Variants in KIAA1210 observed in about 807,000 individuals in gnomAD.
KIAA1210 encodes the protein KIAA1210, also known as acrosomal protein KIAA1210.
In KIAA1210, 48 loss-of-function variants were observed where a neutral mutation model predicts 78.9. That is an observed-to-expected ratio of 0.61 (90% CI 0.48 to 0.77). KIAA1210 has a LOEUF of 0.77. KIAA1210 is among the 30% of genes least tolerant of loss of function. The probability of loss-of-function intolerance (pLI) is 0.00; values close to 1 mark genes in which losing one functional copy is unlikely to be tolerated. For synonymous variants in KIAA1210, 406 were observed against 404.5 expected (o/e 1.00, Z -0.04); for missense variants, 1,108 against 1,100.0 (o/e 1.01, Z -0.10).
intron 8 of KIAA1210, among the ~76,000 whole-genome samples, chrX:119,092,417 G>T (rs758762197): frequency 3.4e-4 from 38 of 111,788 alleles, no homozygotes; most frequent in Non-Finnish European, 4.9e-4. Flanking sequence ...TGCCACCATG[G>T]ATACTGACTC....
Position 119,096,623 on chromosome X carries a change from A to G in KIAA1210, c.717T>C (p.Ser239=), listed in dbSNP as rs1248139347. 2.5e-6 allele frequency: 3 copies of G among 1,208,891 alleles called. No individual in the cohort carries two copies. The highest frequency in any genetic ancestry group is 3.4e-6 in the Non-Finnish European group (3 of 894,559). The part of the protein sequence containing the change: ...QSLTAFATLA[S]TSSTQLPIGF... ...CAATGGGCAGCTGGGTGCTACTGGT[A>G]GAGGCAAGTGTGGCAAATGCAGTCA... Residue 239 remains serine, a synonymous_variant, in exon 7 of 12, where the codon TCT becomes TCC. Transcript: ENST00000691062.
Position 119,096,513 on chromosome X carries a change from T to C in KIAA1210, c.827A>G (p.Lys276Arg). 1 of 1,209,684 alleles carries C rather than the reference T, an allele frequency of 8.3e-7. No individual in the cohort carries two copies. The highest frequency in any genetic ancestry group is 1.1e-6 in the Non-Finnish European group (1 of 894,288). Residue 276 changes from lysine to arginine, a missense_variant, in exon 7 of 12, where the codon AAG (lysine) becomes AGG (arginine). Around this residue, in one of 5 missense-constraint regions of KIAA1210, gnomAD observed 672 missense variants for 607.1 expected, o/e 1.11. Coordinates refer to ENST00000691062, the MANE Select transcript of KIAA1210 (RefSeq NM_001394962.1). ...ACTTACAATCACTTGAAGGTTCTTC[T>C]TTTGTTTGCGGGGATTTAAAGTCAT... The part of the protein sequence containing the change: ...HKMTLNPRKQ[K>R]KNLQVIVEPK...
chrX:119,140,327 G>A (rs1294552759), intron 2 of KIAA1210, among the ~76,000 whole-genome samples: 2 of 110,271 alleles, frequency 1.8e-5, no homozygotes, highest in African/African-American at 6.6e-5. Flanking sequence ...TCAGGAGTTC[G>A]AGATCAGCCT....
intron 2 of KIAA1210, among the ~76,000 whole-genome samples, chrX:119,123,143 A>C (rs1928519695): frequency 8.9e-6 from 1 of 112,477 alleles, no homozygotes; most frequent in African/African-American, 3.2e-5. Context: ...TGGATACACG[A>C]GTAAGTTTTG....
Position 119,081,282 on chromosome X carries a change from A to AC in KIAA1210, c.*46_*47insG. ...ACTCTGTCTCAAAAAAAAAAAAAAA[A>AC]AAAAAAACTAAATAAAATAAATGCT... On this transcript the variant is annotated 3_prime_UTR_variant, in exon 12 of 12. Coordinates refer to ENST00000691062, the MANE Select transcript of KIAA1210 (RefSeq NM_001394962.1). 1 of 991,567 alleles carries AC rather than the reference A, an allele frequency of 1.0e-6. No individual in the cohort carries two copies. Among genetic ancestry groups the AC allele is most frequent in the African/African-American group, 2.0e-5 (1 of 50,609 alleles). 81.7% of individuals were successfully genotyped at this position (991,567 alleles called of 1,213,427 possible).
intron 2 of KIAA1210, among the ~76,000 whole-genome samples, chrX:119,140,865 AG>A (rs1303068488): frequency 1.8e-5 from 2 of 112,530 alleles, no homozygotes; most frequent in Non-Finnish European, 3.7e-5. Context: ...ACCTGAGCCC[AG>A]GAGTTCAAGG....
intron 2 of KIAA1210, among the ~76,000 whole-genome samples, chrX:119,117,368 A>AGTGT (rs140314969): frequency 0.011 from 1,184 of 103,788 alleles, 8 homozygotes; most frequent in African/African-American, 0.021. Context: ...TTTTTCAAGG[A>AGTGT]GTGTGTGTGT....
chrX:119,083,697 C>G (rs186280585), intron 10 of KIAA1210, among the ~76,000 whole-genome samples: 4 of 111,304 alleles, frequency 3.6e-5, no homozygotes, highest in Admixed American at 1.9e-4. Context: ...TCCCTCCTGA[C>G]AAAAGCTTTA....
chrX:119,104,113 T>C (rs1223956426), intron 6 of KIAA1210, among the ~76,000 whole-genome samples: 1 of 112,473 alleles, frequency 8.9e-6, no homozygotes, highest in African/African-American at 3.2e-5. Context: ...ATGTGATCTG[T>C]ATTTTACTAC....
In KIAA1210 at chrX:119,118,736, G is replaced by A. The variant is rs1201939838; in HGVS notation, c.62-2072C>T. ...CTATCTTCTGAACACCTAAAACTTGGCTGTTAGCATCAAAAGTTTTGCATC... is the reference window on the plus strand; with the variant it reads ...CTATCTTCTGAACACCTAAAACTTGACTGTTAGCATCAAAAGTTTTGCATC... On this transcript the variant is annotated intron_variant, in intron 2 of 11. Coordinates refer to ENST00000691062, the MANE Select transcript of KIAA1210 (RefSeq NM_001394962.1). Among the ~76,000 whole-genome samples, 16 of 112,231 alleles carry A rather than the reference G, an allele frequency of 1.4e-4. No individual in the cohort carries two copies. In the Admixed American group the frequency reaches 1.5e-3, roughly 11 times the overall value.
intron 1 of KIAA1210, among the ~76,000 whole-genome samples, chrX:119,149,266 C>T (rs1345502448): frequency 9.0e-6 from 1 of 111,466 alleles, no homozygotes; most frequent in Non-Finnish European, 1.9e-5. Context: ...CTCTTGCAAA[C>T]TGCTGTTTAC....
chrX:119,145,598 C>T (rs934729962), intron 2 of KIAA1210, among the ~76,000 whole-genome samples: 37 of 111,075 alleles, frequency 3.3e-4, no homozygotes, highest in Admixed American at 3.2e-3. Flanking sequence ...AGGTGAGTGG[C>T]AGGTGAGGTG....
Position 119,088,837 on chromosome X carries a change from T to A in KIAA1210, c.1865A>T (p.His622Leu). 8.3e-7 allele frequency: 1 copy of A among 1,211,556 alleles called. No homozygotes were observed. The highest frequency in any genetic ancestry group is 1.1e-6 in the Non-Finnish European group (1 of 895,297). Residue 622 changes from histidine to leucine, a missense_variant, in exon 9 of 12, where the codon CAT (histidine) becomes CTT (leucine). By Grantham distance (99) the His-to-Leu change is moderately conservative. Transcript: ENST00000691062. ...CCCCAAGGACTGGGAAGAGTGACCA[T>A]GAGCCAGTTCTTCAGAACCATCCCC... Reference protein sequence around the residue: ...EEGDGSEELAHGHSSQSLGKF... With the variant: ...EEGDGSEELALGHSSQSLGKF...
intron 9 of KIAA1210, among the ~76,000 whole-genome samples, chrX:119,086,035 T>G (rs1209695261): frequency 8.9e-6 from 1 of 112,818 alleles, no homozygotes; most frequent in African/African-American, 3.2e-5. Context: ...TCCAAAGGTT[T>G]TGGGAGACAT....
At chrX:119,143,935 C>T (rs1469789215) in intron 2 of KIAA1210, among the ~76,000 whole-genome samples, 1 of 112,427 alleles carries the variant, frequency 8.9e-6, no homozygotes, top group Non-Finnish European at 1.9e-5. Flanking sequence ...GATTCAAACC[C>T]ATATTTGACT....
At chrX:119,114,293 G>A (rs1371395816) in intron 3 of KIAA1210, among the ~76,000 whole-genome samples, 1 of 111,547 alleles carries the variant, frequency 9.0e-6, no homozygotes, top group Non-Finnish European at 1.9e-5. Context: ...AACAGGAGAG[G>A]AGAGGAGAGA....
At chrX:119,124,441 A>G (rs1569321557) in intron 1 of KIAA1210, among the ~76,000 whole-genome samples, 1 of 112,639 alleles carries the variant, frequency 8.9e-6, no homozygotes, top group Non-Finnish European at 1.9e-5. Context: ...TGTTACCAAA[A>G]AAAGACAAAT....
At chrX:119,098,604 C>CAAAAAAAAAAAAA (rs747325732) in intron 6 of KIAA1210, among the ~76,000 whole-genome samples, 1 of 39,835 alleles carries the variant, frequency 2.5e-5, no homozygotes, top group Non-Finnish European at 5.0e-5. Context: ...GAGACTCCGT[C>CAAAAAAAAAAAAA]AAAAAAAAAA....
At chrX:119,085,290 G>C (rs1048036754) in intron 10 of KIAA1210, 93 bp downstream of exon 10, 8 of 790,787 alleles carry the variant, frequency 1.0e-5, no homozygotes, top group Non-Finnish European at 1.3e-5. Flanking sequence ...CAAAGAGAGG[G>C]GGAGCTGCAT....
Sources: gnomAD v4.1 joint callset for allele counts (sites outside exome capture counted in the v4.1 genomes callset) on GRCh38, gnomAD v4.1.1 for gene constraint, gnomAD v4.1.1 regional missense constraint, MANE v1.5 for transcripts, NCBI Gene and HGNC (gene_info 2026-07-23, HGNC 2026-07-21) for gene names.